MOK: variants seen among roughly 807,000 people sequenced by gnomAD.
The protein encoded by MOK is MOK protein kinase.
In MOK, 59 loss-of-function variants were observed where a neutral mutation model predicts 54.2. The observed-to-expected ratio is 1.09, with a 90% CI of 0.88 to 1.35. The LOEUF (loss-of-function observed/expected upper bound fraction) is 1.35, where lower values mean the gene tolerates loss of function less well. Ranked by LOEUF, MOK falls within the 40% of genes most tolerant of loss-of-function variation. The pLI is 0.00. For synonymous variants in MOK, 210 were observed against 202.7 expected (o/e 1.04, Z -0.31); for missense variants, 517 against 526.2 (o/e 0.98, Z 0.17).
At chr14:102,248,602 C>T (rs1053553245) in intron 7 of MOK, among the ~76,000 whole-genome samples, 1 of 151,916 alleles carries the variant, frequency 6.6e-6, no homozygotes, top group Non-Finnish European at 1.5e-5. Flanking sequence ...CACAATGAAA[C>T]CCTGTCTCTA....
intron 1 of MOK, among the ~76,000 whole-genome samples, chr14:102,293,701 C>CAAAAAAAAAAAAAAAAAA (rs10598736): frequency 2.7e-4 from 15 of 54,610 alleles, no homozygotes; most frequent in East Asian, 9.7e-4. Context: ...AACTCCATCA[C>CAAAAAAAAAAAAAAAAAA]AAAAAAAAAA....
At position 102,231,835 on chromosome 14, in the gene MOK, GAA is replaced by G; in HGVS notation, c.867-16_867-15del. The G allele has an allele frequency of 6.2e-7, 1 of 1,607,792 alleles. No individual in the cohort carries two copies. Among genetic ancestry groups the G allele is most frequent in the South Asian group, 1.1e-5 (1 of 90,886 alleles). On this transcript the variant is annotated splice_polypyrimidine_tract_variant and intron_variant, in intron 9 of 11. Coordinates refer to ENST00000361847, the MANE Select transcript of MOK (RefSeq NM_014226.3). The surrounding 1 kb of genome is among the most constrained non-coding windows in gnomAD (Gnocchi z 4.4). ...TTCTCTGTTTTCCTACGGGGAAGGA[GAA>G]GAGAATGGAGCAGCTCCACTGAGAG...
intron 4 of MOK, among the ~76,000 whole-genome samples, chr14:102,252,307 T>C (rs1361398472): frequency 6.6e-6 from 1 of 151,950 alleles, no homozygotes; most frequent in Admixed American, 6.6e-5. Flanking sequence ...ATACAAAAAT[T>C]TGCCGGGTGT....
At chr14:102,241,487 G>A (rs933272344) in intron 7 of MOK, among the ~76,000 whole-genome samples, 12 of 152,088 alleles carry the variant, frequency 7.9e-5, no homozygotes, top group African/African-American at 1.4e-4. Context: ...TTCTTTATCT[G>A]ACCTCTCCCA....
chr14:102,225,998 C>G (rs934975803), downstream of MOK: 4 of 374,334 alleles, frequency 1.1e-5, no homozygotes, highest in Admixed American at 8.8e-5. Flanking sequence ...GTCGGCCGTG[C>G]CAGGGGTGGG....
intron 2 of MOK, chr14:102,283,270 C>T (rs902159340): frequency 3.2e-5 from 13 of 406,646 alleles, no homozygotes; most frequent in Admixed American, 1.6e-4. Context: ...TTTTTGTGGT[C>T]ATTCATCACT....
intron 7 of MOK, among the ~76,000 whole-genome samples, chr14:102,237,463 G>A (rs1200628482): frequency 1.3e-5 from 2 of 152,108 alleles, no homozygotes; most frequent in Non-Finnish European, 2.9e-5. Flanking sequence ...CTCCAAAAGC[G>A]AAGTTCTTTC....
intron 1 of MOK, among the ~76,000 whole-genome samples, chr14:102,292,000 G>A (rs1351913359): frequency 6.6e-6 from 1 of 151,200 alleles, no homozygotes; most frequent in East Asian, 1.9e-4. Context: ...AGACTTCTTA[G>A]CACCAGCTAT....
chr14:102,259,608 G>A (rs529917493), intron 4 of MOK, among the ~76,000 whole-genome samples: 3 of 152,242 alleles, frequency 2.0e-5, no homozygotes, highest in East Asian at 1.9e-4. Context: ...GTCATGAGGC[G>A]GTATGGGTGG....
At chr14:102,272,681 C>T (rs2068477700) in intron 2 of MOK, among the ~76,000 whole-genome samples, 1 of 151,934 alleles carries the variant, frequency 6.6e-6, no homozygotes, top group Non-Finnish European at 1.5e-5. Flanking sequence ...ATAATAATAC[C>T]AAAAAGTCAT....
chr14:102,222,641 A>G (rs774349871), downstream of MOK, among the ~76,000 whole-genome samples: 8 of 152,192 alleles, frequency 5.3e-5, no homozygotes, highest in African/African-American at 1.4e-4. The surrounding 1 kb of genome is among the most constrained non-coding windows in gnomAD (Gnocchi z 4.4). Flanking sequence ...CAGGGTTCCA[A>G]TTCTCTAGGA....
chr14:102,218,113 G>T, the MOK span, among the ~76,000 whole-genome samples: 3 of 152,378 alleles, frequency 2.0e-5, no homozygotes, highest in East Asian at 5.8e-4. Flanking sequence ...GATCTCAGGA[G>T]AGAAGCGCTA....
downstream of MOK, chr14:102,222,879 T>C: frequency 6.2e-7 from 1 of 1,614,208 alleles, no homozygotes; most frequent in Non-Finnish European, 8.5e-7. The surrounding 1 kb of genome is among the most constrained non-coding windows in gnomAD (Gnocchi z 4.4). Flanking sequence ...GGAACTGTAG[T>C]GTAGCGACCT....
At chr14:102,274,162 T>C (rs985520208) in intron 2 of MOK, among the ~76,000 whole-genome samples, 2 of 151,974 alleles carry the variant, frequency 1.3e-5, no homozygotes, top group Admixed American at 1.3e-4. Flanking sequence ...TTTCACGGTT[T>C]TAGCCAGGAT....
intron 4 of MOK, among the ~76,000 whole-genome samples, chr14:102,256,762 T>A (rs1426874014): frequency 6.6e-6 from 1 of 152,008 alleles, no homozygotes; most frequent in Non-Finnish European, 1.5e-5. Context: ...GATACAATTT[T>A]GTAAAAGAGT....
downstream of MOK, among the ~76,000 whole-genome samples, chr14:102,221,480 T>C (rs2063892399): frequency 6.6e-6 from 1 of 152,178 alleles, no homozygotes; most frequent in African/African-American, 2.4e-5. The surrounding 1 kb of genome is among the most constrained non-coding windows in gnomAD (Gnocchi z 4.8). Context: ...CTCCACAGGC[T>C]TGATGTGTTT....
chr14:102,272,690 A>G (rs1383596740), intron 2 of MOK, among the ~76,000 whole-genome samples: 2 of 152,224 alleles, frequency 1.3e-5, no homozygotes. Context: ...CCAAAAAGTC[A>G]TTTGACAGAA....
At chr14:102,274,443 A>G (rs918416034) in intron 2 of MOK, among the ~76,000 whole-genome samples, 1 of 150,896 alleles carries the variant, frequency 6.6e-6, no homozygotes, top group African/African-American at 2.4e-5. Context: ...TTCAATCGAG[A>G]TGGGGTTTCA....
At chr14:102,283,863 G>A (rs749907665) in intron 1 of MOK, among the ~76,000 whole-genome samples, 12 of 152,204 alleles carry the variant, frequency 7.9e-5, no homozygotes, top group Admixed American at 7.9e-4. Context: ...TACCCTACAA[G>A]ATTCAGAAGA....
Sources: gnomAD v4.1 joint callset for allele counts (sites outside exome capture counted in the v4.1 genomes callset) on GRCh38, gnomAD v4.1.1 for gene constraint, Gnocchi (gnomAD v3.1) non-coding constraint, MANE v1.5 for transcripts, NCBI Gene and HGNC (gene_info 2026-07-23, HGNC 2026-07-21) for gene names.